MAP3K7: variants seen among roughly 807,000 people sequenced by gnomAD.
The protein encoded by MAP3K7 is TGF-beta activated kinase 1.
MAP3K7 carries 21 observed loss-of-function variants against 84.8 expected under a neutral mutation model. The ratio of observed to expected loss-of-function variants is 0.25; its 90% CI spans 0.18 to 0.36. MAP3K7 has a LOEUF of 0.36. Ranked by LOEUF, MAP3K7 falls within the 10% of genes least tolerant of loss-of-function variation. The pLI, the probability that MAP3K7 is intolerant of heterozygous loss-of-function variation, is 1.00. For synonymous variants in MAP3K7, 241 were observed against 247.7 expected (o/e 0.97, Z 0.25); for missense variants, 503 against 747.7 (o/e 0.67, Z 3.82).
chr6:90,556,677 C>A, intron 5 of MAP3K7, 53 bp from the exon 6 acceptor site: 2 of 1,508,594 alleles, frequency 1.3e-6, no homozygotes, highest in Non-Finnish European at 1.8e-6. Context: ...ACATTTTATT[C>A]TACAATAAAA....
intron 12 of MAP3K7, 50 bp downstream of exon 12, chr6:90,544,502 C>A (rs1447335496): frequency 6.7e-7 from 1 of 1,499,692 alleles, no homozygotes; most frequent in South Asian, 1.1e-5. Context: ...TACCAGGGAT[C>A]ATTATTCCGG....
At chr6:90,549,289 G>A (rs9359892) in intron 9 of MAP3K7, among the ~76,000 whole-genome samples, 5,527 of 152,202 alleles carry the variant, frequency 0.036, 120 homozygotes, top group African/African-American at 0.054. Flanking sequence ...GAGGAGTGGC[G>A]AGGAGGTGTT....
chr6:90,583,574 A>G (rs1324500519), intron 1 of MAP3K7, among the ~76,000 whole-genome samples: 2 of 152,240 alleles, frequency 1.3e-5, no homozygotes, highest in African/African-American at 2.4e-5. Context: ...TTACTATAGA[A>G]AACAGTTAAA....
chr6:90,568,958 G>T (rs535464605), intron 2 of MAP3K7, among the ~76,000 whole-genome samples: 1 of 152,280 alleles, frequency 6.6e-6, no homozygotes, highest in South Asian at 2.1e-4. Flanking sequence ...GCCAAGAAAT[G>T]TTAGGATATG....
intron 6 of MAP3K7, 101 bp downstream of exon 6, chr6:90,556,399 T>C (rs141122464): frequency 2.4e-6 from 3 of 1,238,496 alleles, no homozygotes; most frequent in African/African-American, 1.5e-5. Context: ...TTATGTATTA[T>C]GCAGAAATAA....
Position 90,558,874 on chromosome 6 carries a change from G to A in MAP3K7, c.482+1202C>T, listed in dbSNP as rs368380741. On this transcript the variant is annotated intron_variant, in intron 5 of 16. Coordinates refer to ENST00000369329, the MANE Select transcript of MAP3K7 (RefSeq NM_145331.3). ...TACTTTTGGGTGTTGCATCAGATGC[G>A]TTCAGACTCTTTTAGGAAAAGAATG... 6.6e-5 allele frequency among the ~76,000 whole-genome samples: 10 copies of A among 152,184 alleles called. No homozygotes were observed. In the East Asian group the frequency reaches 7.7e-4, roughly 12 times the overall value.
intron 15 of MAP3K7, among the ~76,000 whole-genome samples, chr6:90,518,881 C>T (rs1775058077): frequency 6.6e-6 from 1 of 151,504 alleles, no homozygotes; most frequent in Non-Finnish European, 1.5e-5. Context: ...CATGAGGGGG[C>T]ACTGAAGTAT....
At chr6:90,578,254 A>G (rs1582243367) in intron 1 of MAP3K7, among the ~76,000 whole-genome samples, 1 of 152,118 alleles carries the variant, frequency 6.6e-6, no homozygotes, top group Non-Finnish European at 1.5e-5. Context: ...CGGCAGGAGG[A>G]CAGGAGTTTG....
intron 12 of MAP3K7, among the ~76,000 whole-genome samples, chr6:90,540,220 T>G (rs1775812060): frequency 6.6e-6 from 1 of 151,834 alleles, no homozygotes; most frequent in South Asian, 2.1e-4. Context: ...AAAATCCTCT[T>G]TGGTCAAGGC....
At chr6:90,563,807 G>C (rs1356264807) in intron 3 of MAP3K7, among the ~76,000 whole-genome samples, 5 of 152,186 alleles carry the variant, frequency 3.3e-5, no homozygotes, top group African/African-American at 1.2e-4. Context: ...AATGTTAAGG[G>C]CAGCCAGAGA....
intron 12 of MAP3K7, among the ~76,000 whole-genome samples, chr6:90,540,575 A>G (rs1436859064): frequency 6.6e-6 from 1 of 151,972 alleles, no homozygotes; most frequent in Non-Finnish European, 1.5e-5. Context: ...GCAGAAGACT[A>G]ATGTTTAATT....
intron 2 of MAP3K7, among the ~76,000 whole-genome samples, chr6:90,569,744 G>T (rs1022105636): frequency 1.4e-4 from 21 of 152,144 alleles, no homozygotes; most frequent in Non-Finnish European, 2.5e-4. Flanking sequence ...CAAAGTTCTG[G>T]GATTACAGAT....
At chr6:90,550,371 C>A in intron 9 of MAP3K7, 97 bp downstream of exon 9, 1 of 745,296 alleles carries the variant, frequency 1.3e-6, no homozygotes, top group South Asian at 2.1e-5. Context: ...AATTAAAATG[C>A]AAATGGGGAC....
chr6:90,586,282 G>C (rs1424339500), intron 1 of MAP3K7, among the ~76,000 whole-genome samples: 1 of 147,674 alleles, frequency 6.8e-6, no homozygotes, highest in Non-Finnish European at 1.5e-5. Context: ...TGAGGCAGGA[G>C]AATGGCGTGA....
At chr6:90,561,279 G>A (rs1485732350) in intron 4 of MAP3K7, among the ~76,000 whole-genome samples, 1 of 151,440 alleles carries the variant, frequency 6.6e-6, no homozygotes, top group Non-Finnish European at 1.5e-5. Context: ...ATCGAAATAT[G>A]GTTAAAGAAT....
chr6:90,563,634 G>A (rs1776598430), intron 3 of MAP3K7, among the ~76,000 whole-genome samples: 1 of 152,184 alleles, frequency 6.6e-6, no homozygotes, highest in Non-Finnish European at 1.5e-5. Context: ...GAACCAAGTT[G>A]GAAAACCCTC....
At chr6:90,561,449 T>C (rs934723258) in intron 4 of MAP3K7, among the ~76,000 whole-genome samples, 173 bp downstream of exon 4, 1 of 152,164 alleles carries the variant, frequency 6.6e-6, no homozygotes, top group East Asian at 1.9e-4. Context: ...TTTCACATAC[T>C]AATGTTATAG....
intron 13 of MAP3K7, among the ~76,000 whole-genome samples, chr6:90,528,199 C>T (rs1775385714): frequency 6.6e-6 from 1 of 152,060 alleles, no homozygotes; most frequent in Non-Finnish European, 1.5e-5. Context: ...TTTTAAAAAG[C>T]ACCTTTTTTT....
intron 11 of MAP3K7, among the ~76,000 whole-genome samples, chr6:90,545,843 C>T (rs1775985017): frequency 6.6e-6 from 1 of 152,162 alleles, no homozygotes; most frequent in East Asian, 1.9e-4. Context: ...GACCATGTTA[C>T]TTTGACCAAT....
Sources: gnomAD v4.1 joint callset for allele counts (sites outside exome capture counted in the v4.1 genomes callset) on GRCh38, gnomAD v4.1.1 for gene constraint, MANE v1.5 for transcripts, NCBI Gene and HGNC (gene_info 2026-07-23, HGNC 2026-07-21) for gene names.